The following GRIA1 variants were observed in gnomAD, a reference collection of about 807,000 sequenced individuals.
GRIA1 encodes glutamate ionotropic receptor AMPA type subunit 1, also known as glutamate receptor 1.
In GRIA1, 31 loss-of-function variants were observed where a neutral mutation model predicts 99.2. That is an observed-to-expected ratio of 0.31 (90% CI 0.23 to 0.42). GRIA1 has a LOEUF of 0.42. GRIA1 is among the 10% of genes least tolerant of loss of function. The pLI is 1.00. For synonymous variants in GRIA1, 438 were observed against 432.4 expected (o/e 1.01, Z -0.16); for missense variants, 782 against 1,157.5 (o/e 0.68, Z 4.71).
chr5:153,811,295 CAAA>C lies in GRIA1; in HGVS notation c.*73_*75del. 1.9e-6 allele frequency: 2 copies of C among 1,058,602 alleles called. No individual in the cohort carries two copies. Among genetic ancestry groups the C allele is most frequent in the Non-Finnish European group, 2.9e-6 (2 of 691,306 alleles). The allele number at this position is 1,058,602 out of a possible 1,614,324, so 65.6% of individuals were successfully genotyped here. ...AGCCCCATCCCAAACCCTTCAGTGC[CAAA>C]AACAACAACAAAATGAAACGCAACC... is the stretch of plus-strand genomic sequence containing the variant. On this transcript the variant is annotated 3_prime_UTR_variant, in exon 16 of 16. Coordinates refer to ENST00000285900, the MANE Select transcript of GRIA1 (RefSeq NM_000827.4).
chr5:153,581,918 C>T (rs942585700), intron 2 of GRIA1, among the ~76,000 whole-genome samples: 9 of 151,988 alleles, frequency 5.9e-5, no homozygotes, highest in African/African-American at 1.2e-4. Context: ...TCACCACGCC[C>T]GGCTAATTTT....
At chr5:153,510,319 CT>C (rs902708605) in intron 2 of GRIA1, among the ~76,000 whole-genome samples, 54 of 151,396 alleles carry the variant, frequency 3.6e-4, no homozygotes, top group African/African-American at 1.2e-3. Context: ...CAGAACCTGA[CT>C]TTTTTTTTGG....
At chr5:153,747,797 C>A (rs1379318239) in intron 11 of GRIA1, among the ~76,000 whole-genome samples, 2 of 152,220 alleles carry the variant, frequency 1.3e-5, no homozygotes, top group African/African-American at 4.8e-5. Context: ...CCTTTCCCAC[C>A]TCTGCATGTC....
chr5:153,715,528 A>G (rs1443253908), intron 11 of GRIA1, among the ~76,000 whole-genome samples: 1 of 152,132 alleles, frequency 6.6e-6, no homozygotes, highest in Non-Finnish European at 1.5e-5. Flanking sequence ...TCCAGTTTCC[A>G]CTTCTGGAAA....
intron 11 of GRIA1, among the ~76,000 whole-genome samples, chr5:153,725,044 A>G (rs562759850): frequency 9.8e-5 from 15 of 152,344 alleles, no homozygotes; most frequent in Non-Finnish European, 1.6e-4. Context: ...CTAACAGCGG[A>G]TCTCTCGGCA....
chr5:153,679,608 A>G (rs775148793), intron 7 of GRIA1, among the ~76,000 whole-genome samples: 1 of 152,196 alleles, frequency 6.6e-6, no homozygotes, highest in Non-Finnish European at 1.5e-5. Context: ...GGAGCCTTCC[A>G]TCCATAGTCA....
chr5:153,624,830 G>A (rs1767434322), intron 2 of GRIA1, among the ~76,000 whole-genome samples: 1 of 152,208 alleles, frequency 6.6e-6, no homozygotes, highest in African/African-American at 2.4e-5. Flanking sequence ...TCTGTATGCA[G>A]ATTCCAACAT....
chr5:153,773,215 CAG>C (rs561893496), intron 13 of GRIA1, among the ~76,000 whole-genome samples: 61 of 152,108 alleles, frequency 4.0e-4, no homozygotes, highest in Non-Finnish European at 6.8e-4. Context: ...GATGAGGAAA[CAG>C]AGTAAGAGTT....
intron 2 of GRIA1, among the ~76,000 whole-genome samples, chr5:153,533,035 G>T (rs1286608135): frequency 6.6e-6 from 1 of 152,110 alleles, no homozygotes; most frequent in African/African-American, 2.4e-5. Flanking sequence ...CTGACTTTTT[G>T]TGAATCTAGA....
At chr5:153,713,149 A>G (rs528733381) in intron 11 of GRIA1, among the ~76,000 whole-genome samples, 2 of 152,342 alleles carry the variant, frequency 1.3e-5, no homozygotes, top group Admixed American at 6.5e-5. Flanking sequence ...ACCCTATAGT[A>G]TGTTACATGC....
intron 14 of GRIA1, among the ~76,000 whole-genome samples, chr5:153,795,905 G>A (rs1469169108): frequency 6.6e-6 from 1 of 152,072 alleles, no homozygotes; most frequent in Non-Finnish European, 1.5e-5. Context: ...TGTGGGACAG[G>A]GCCGTTTAGC....
chr5:153,788,989 A>C (rs377331501), intron 13 of GRIA1, among the ~76,000 whole-genome samples: 6 of 152,280 alleles, frequency 3.9e-5, no homozygotes, highest in African/African-American at 1.4e-4. Flanking sequence ...AATGTCCTCC[A>C]TGACTTTTGC....
intron 1 of GRIA1, chr5:153,492,439 G>A: frequency 1.2e-6 from 1 of 846,328 alleles, no homozygotes; most frequent in Non-Finnish European, 1.6e-6. Context: ...TCATTGCAGA[G>A]GAGGAGAAAG....
chr5:153,642,240 A>G (rs1753821475), intron 2 of GRIA1, among the ~76,000 whole-genome samples: 1 of 152,208 alleles, frequency 6.6e-6, no homozygotes, highest in African/African-American at 2.4e-5. Flanking sequence ...TATCACAGAC[A>G]TTAAGGACTC....
chr5:153,648,631 C>T (rs1042374109), intron 3 of GRIA1, among the ~76,000 whole-genome samples: 1 of 152,170 alleles, frequency 6.6e-6, no homozygotes, highest in Non-Finnish European at 1.5e-5. Context: ...AAATGTTGGT[C>T]TCAAACTCAC....
intron 2 of GRIA1, among the ~76,000 whole-genome samples, chr5:153,620,917 G>A (rs1197073941): frequency 2.6e-5 from 4 of 152,144 alleles, no homozygotes; most frequent in Non-Finnish European, 4.4e-5. Context: ...ATCTCATTTT[G>A]TTCTTCTGTT....
chr5:153,546,562 A>G (rs928195454), intron 2 of GRIA1, among the ~76,000 whole-genome samples: 1 of 152,172 alleles, frequency 6.6e-6, no homozygotes, highest in Admixed American at 6.5e-5. Flanking sequence ...CACAAGCATC[A>G]TCTCAAGTTG....
At chr5:153,710,679 A>G (rs1464735402) in intron 11 of GRIA1, among the ~76,000 whole-genome samples, 1 of 152,192 alleles carries the variant, frequency 6.6e-6, no homozygotes, top group Non-Finnish European at 1.5e-5. Context: ...TATTCAACAG[A>G]TATTGCTAAC....
At chr5:153,670,857 T>C (rs1325059472) in intron 5 of GRIA1, among the ~76,000 whole-genome samples, 1 of 152,168 alleles carries the variant, frequency 6.6e-6, no homozygotes, top group Non-Finnish European at 1.5e-5. Flanking sequence ...TTTTCTTGAA[T>C]TATGGAGAAA....
Sources: gnomAD v4.1 joint callset for allele counts (sites outside exome capture counted in the v4.1 genomes callset) on GRCh38, gnomAD v4.1.1 for gene constraint, MANE v1.5 for transcripts, NCBI Gene and HGNC (gene_info 2026-07-23, HGNC 2026-07-21) for gene names.